RABGAP1L: variants seen among roughly 807,000 people sequenced by gnomAD.
RABGAP1L encodes the protein RAB GTPase activating protein 1 like, also known as rab GTPase-activating protein 1-like.
In RABGAP1L, 63 loss-of-function variants were observed where a neutral mutation model predicts 137.7. The ratio of observed to expected loss-of-function variants is 0.46; its 90% confidence interval spans 0.37 to 0.56. RABGAP1L has a LOEUF of 0.56. Among genes scored for constraint, RABGAP1L ranks in the 20% least tolerant of loss-of-function variants. The pLI is 0.00. For missense variants in RABGAP1L, 1,095 were observed against 1,244.0 expected, an observed-to-expected ratio of 0.88 and a Z score of 1.80; for synonymous variants, 431 against 433.7, an observed-to-expected ratio of 0.99 and a Z score of 0.08.
intron 13 of RABGAP1L, among the ~76,000 whole-genome samples, chr1:174,622,074 A>T (rs1672539365): frequency 6.6e-6 from 1 of 152,368 alleles, no homozygotes; most frequent in Middle Eastern, 3.4e-3. Context: ...AAAAGAAGAC[A>T]TTTATGCAGC....
At position 174,376,988 on chromosome 1, in the gene RABGAP1L, A is replaced by C. The variant is rs115908908; in HGVS notation, c.1559+5916A>C. Among the ~76,000 whole-genome samples, 4 of 152,310 alleles carry C rather than the reference A, an allele frequency of 2.6e-5. No individual in the cohort carries two copies. In the East Asian group the frequency reaches 7.7e-4, roughly 29 times the overall value. On this transcript the variant is annotated intron_variant, in intron 12 of 25. Coordinates refer to ENST00000681986, the MANE Select transcript of RABGAP1L (RefSeq NM_001366446.1). ...CAAAACAAACAAACAAAACTCCTAG[A>C]TCTAATAAATGAGTTTTACAATGTT...
intron 19 of RABGAP1L, among the ~76,000 whole-genome samples, chr1:174,825,185 C>T (rs1370736248): frequency 1.3e-5 from 2 of 152,144 alleles, no homozygotes; most frequent in African/African-American, 4.8e-5. Flanking sequence ...TTTAAATACT[C>T]ATTATTGGTT....
intron 19 of RABGAP1L, among the ~76,000 whole-genome samples, chr1:174,888,955 A>G (rs1464027910): frequency 6.6e-6 from 1 of 151,994 alleles, no homozygotes; most frequent in Non-Finnish European, 1.5e-5. Flanking sequence ...AAATACATTC[A>G]TGTGTGTGTG....
At chr1:174,280,512 A>G (rs1247550696) in intron 10 of RABGAP1L, among the ~76,000 whole-genome samples, 1 of 152,226 alleles carries the variant, frequency 6.6e-6, no homozygotes, top group Non-Finnish European at 1.5e-5. Flanking sequence ...GGGCAACACC[A>G]AAGTACATGA....
At chr1:174,812,027 A>G in intron 19 of RABGAP1L, 67 bp downstream of exon 19, 1 of 1,408,688 alleles carries the variant, frequency 7.1e-7, no homozygotes, top group Non-Finnish European at 9.4e-7. Context: ...CAAATTATGT[A>G]AAAATTTTTT....
chr1:174,498,613 C>G (rs940484702), intron 13 of RABGAP1L, among the ~76,000 whole-genome samples: 1 of 151,696 alleles, frequency 6.6e-6, no homozygotes, highest in Non-Finnish European at 1.5e-5. Context: ...TCTCCTGCCT[C>G]AGCTTCCTGA....
chr1:174,900,629 C>T (rs1242863204), intron 19 of RABGAP1L, among the ~76,000 whole-genome samples: 1 of 152,160 alleles, frequency 6.6e-6, no homozygotes, highest in African/African-American at 2.4e-5. Flanking sequence ...GCCCTATTCT[C>T]CTGCCTCAGC....
At chr1:174,163,940 G>A (rs1267706686) in intron 1 of RABGAP1L, among the ~76,000 whole-genome samples, 1 of 152,098 alleles carries the variant, frequency 6.6e-6, no homozygotes, top group Admixed American at 6.6e-5. Context: ...CTCATTGAGG[G>A]ATGCAAGGGA....
At chr1:174,639,238 T>A (rs1217587659) in intron 14 of RABGAP1L, among the ~76,000 whole-genome samples, 1 of 152,152 alleles carries the variant, frequency 6.6e-6, no homozygotes, top group African/African-American at 2.4e-5. Context: ...ATATGCTGAT[T>A]AGAAATCTAT....
chr1:174,558,899 C>G (rs577701699), intron 13 of RABGAP1L, among the ~76,000 whole-genome samples: 3 of 152,094 alleles, frequency 2.0e-5, no homozygotes, highest in Admixed American at 6.5e-5. Context: ...GTATTTCTCT[C>G]AGAGTAAAGA....
At chr1:174,352,633 G>C (rs1474788125) in intron 11 of RABGAP1L, among the ~76,000 whole-genome samples, 1 of 152,128 alleles carries the variant, frequency 6.6e-6, no homozygotes, top group South Asian at 2.1e-4. Flanking sequence ...AATTCTTGTG[G>C]ATGTTTGTTG....
At position 174,786,052 on chromosome 1, in the gene RABGAP1L, C is replaced by T. The variant is rs1281483845; in HGVS notation, c.2212-25780C>T. ...ATCTGGCTAACTCCATTTCAAACAC[C>T]TTATGCATTTACTTGTAGTTTTTAT... is the stretch of plus-strand genomic sequence containing the variant. On this transcript the variant is annotated intron_variant, in intron 18 of 25. Coordinates refer to ENST00000681986, the MANE Select transcript of RABGAP1L (RefSeq NM_001366446.1). Among the ~76,000 whole-genome samples, 3 of 152,114 alleles carry T rather than the reference C, an allele frequency of 2.0e-5. No homozygotes were observed. In the South Asian group the frequency reaches 6.2e-4, roughly 32 times the overall value.
At position 174,969,402 on chromosome 1, in the gene RABGAP1L, T is replaced by C. The variant is rs1193522655; in HGVS notation, c.2544+15T>C. On this transcript the variant is annotated intron_variant, in intron 21 of 25. Transcript: ENST00000681986. ...ACTTGGATCAGGTAATCCTTAGAAATGAGACTGTGATGACTTCCTCAGGGC... is the reference window on the plus strand; with the variant it reads ...ACTTGGATCAGGTAATCCTTAGAAACGAGACTGTGATGACTTCCTCAGGGC... 6.5e-7 allele frequency: 1 copy of C among 1,530,710 alleles called. No individual in the cohort carries two copies. Among genetic ancestry groups the C allele is most frequent in the African/African-American group, 1.4e-5 (1 of 72,536 alleles). 94.8% of individuals were successfully genotyped at this position (1,530,710 alleles called of 1,614,324 possible).
chr1:174,586,454 G>A (rs1669125797), intron 13 of RABGAP1L, among the ~76,000 whole-genome samples: 1 of 151,910 alleles, frequency 6.6e-6, no homozygotes, highest in African/African-American at 2.4e-5. Flanking sequence ...TAATACCTAG[G>A]TGATGGGTTG....
chr1:174,341,339 C>T (rs1031564936), intron 11 of RABGAP1L, among the ~76,000 whole-genome samples: 2 of 152,122 alleles, frequency 1.3e-5, no homozygotes, highest in Admixed American at 6.6e-5. Context: ...CAAAATGTTG[C>T]TTGAAAGATG....
At chr1:174,307,064 A>G (rs1572008404) in intron 11 of RABGAP1L, among the ~76,000 whole-genome samples, 1 of 151,404 alleles carries the variant, frequency 6.6e-6, no homozygotes, top group East Asian at 2.0e-4. Flanking sequence ...AAATATGTTA[A>G]CTTATTTGAG....
At chr1:174,529,916 G>A (rs1288624616) in intron 13 of RABGAP1L, among the ~76,000 whole-genome samples, 1 of 152,080 alleles carries the variant, frequency 6.6e-6, no homozygotes, top group African/African-American at 2.4e-5. Context: ...GGTGGACTGG[G>A]CTGGGTACTC....
At chr1:174,665,085 A>T (rs1676683162) in intron 14 of RABGAP1L, among the ~76,000 whole-genome samples, 1 of 152,130 alleles carries the variant, frequency 6.6e-6, no homozygotes, top group African/African-American at 2.4e-5. Flanking sequence ...TGATTGGTTT[A>T]TGAATAGTCA....
chr1:174,833,182 T>G (rs1054294052), intron 19 of RABGAP1L, among the ~76,000 whole-genome samples: 2 of 151,890 alleles, frequency 1.3e-5, no homozygotes, highest in Non-Finnish European at 2.9e-5. Flanking sequence ...ACTGCCAGTA[T>G]TTATCAGTCG....
Sources: allele counts gnomAD v4.1 joint callset (sites outside exome capture counted in the v4.1 genomes callset), GRCh38; gene constraint gnomAD v4.1.1; transcripts MANE v1.5; gene names NCBI Gene and HGNC (gene_info 2026-07-23, HGNC 2026-07-21).